The following ZNF385D variants were observed in gnomAD, a reference collection of about 807,000 sequenced individuals.
ZNF385D encodes the protein zinc finger protein 659.
ZNF385D carries 15 observed loss-of-function variants against 35.8 expected under a neutral mutation model. That is an observed-to-expected ratio of 0.42 (90% CI 0.28 to 0.64). The LOEUF (loss-of-function observed/expected upper bound fraction) is 0.64. Among genes scored for constraint, ZNF385D ranks in the 30% least tolerant of loss-of-function variants. The probability of loss-of-function intolerance (pLI) is 0.23; values close to 1 mark genes in which losing one functional copy is unlikely to be tolerated. For synonymous variants in ZNF385D, 212 were observed against 186.8 expected (o/e 1.13, Z -1.10); for missense variants, 474 against 494.6 (o/e 0.96, Z 0.39).
At chr3:21,881,407 C>A (rs968505504) in intron 3 of ZNF385D, among the ~76,000 whole-genome samples, 1 of 151,920 alleles carries the variant, frequency 6.6e-6, no homozygotes, top group Non-Finnish European at 1.5e-5. Context: ...ATAAATGAAA[C>A]AACAAAGCCT....
intron 2 of ZNF385D, among the ~76,000 whole-genome samples, chr3:22,273,459 C>A (rs1004530750): frequency 1.3e-5 from 2 of 151,864 alleles, no homozygotes; most frequent in African/African-American, 4.8e-5. Flanking sequence ...GGTGGTTCTA[C>A]TGGTATCGAA....
chr3:22,206,877 C>A (rs988669623), intron 2 of ZNF385D, among the ~76,000 whole-genome samples: 1 of 151,470 alleles, frequency 6.6e-6, no homozygotes, highest in African/African-American at 2.4e-5. Context: ...AAAGAGCAAA[C>A]CAAAGCCAAA....
chr3:21,754,425 G>C (rs1303375789), upstream of ZNF385D, among the ~76,000 whole-genome samples: 1 of 152,124 alleles, frequency 6.6e-6, no homozygotes, highest in African/African-American at 2.4e-5. Flanking sequence ...CAACCTGCTT[G>C]CCAGATAAAA....
intron 3 of ZNF385D, among the ~76,000 whole-genome samples, chr3:22,058,182 A>C (rs1301553876): frequency 2.8e-5 from 4 of 142,098 alleles, no homozygotes; most frequent in African/African-American, 9.8e-5. Context: ...ATTCAACTTT[A>C]TGGCACCATC....
intron 3 of ZNF385D, among the ~76,000 whole-genome samples, chr3:21,814,452 A>AG: frequency 6.6e-6 from 1 of 152,304 alleles, no homozygotes; most frequent in South Asian, 2.1e-4. Context: ...TCATGTGCAG[A>AG]GACACAGATA....
intron 3 of ZNF385D, among the ~76,000 whole-genome samples, chr3:22,124,531 T>C (rs1703314756): frequency 6.6e-6 from 1 of 152,154 alleles, no homozygotes; most frequent in Non-Finnish European, 1.5e-5. Flanking sequence ...CTGTACTAAT[T>C]TATATTCCCA....
intron 3 of ZNF385D, among the ~76,000 whole-genome samples, chr3:21,992,407 AC>A (rs1215905562): frequency 6.6e-6 from 1 of 152,140 alleles, no homozygotes; most frequent in Non-Finnish European, 1.5e-5. Context: ...AGGTAGAATA[AC>A]CGTTTCTGTG....
At chr3:21,967,904 A>T (rs542985401) in intron 3 of ZNF385D, among the ~76,000 whole-genome samples, 1 of 152,350 alleles carries the variant, frequency 6.6e-6, no homozygotes, top group Non-Finnish European at 1.5e-5. Flanking sequence ...CATAAGAACT[A>T]AAAATCAGGT....
chr3:21,996,119 G>A (rs958348656), intron 3 of ZNF385D, among the ~76,000 whole-genome samples: 12 of 152,088 alleles, frequency 7.9e-5, no homozygotes. Context: ...ATGGAGCTGT[G>A]CTATAGCTGC....
intron 3 of ZNF385D, among the ~76,000 whole-genome samples, chr3:21,946,349 A>G (rs1049790427): frequency 5.3e-5 from 8 of 152,326 alleles, no homozygotes; most frequent in Non-Finnish European, 1.2e-4. Context: ...ATCATGTACA[A>G]GAAATTCAAC....
chr3:21,974,547 G>A (rs1359533534), intron 3 of ZNF385D, among the ~76,000 whole-genome samples: 3 of 151,972 alleles, frequency 2.0e-5, no homozygotes, highest in African/African-American at 7.2e-5. Context: ...ACAAGCACAA[G>A]CAACCAAAGC....
intron 2 of ZNF385D, among the ~76,000 whole-genome samples, chr3:22,210,918 A>T (rs1697477827): frequency 1.3e-5 from 2 of 151,988 alleles, no homozygotes; most frequent in South Asian, 4.1e-4. Context: ...CTAAGTATAC[A>T]TCCATAAACA....
intron 1 of ZNF385D, among the ~76,000 whole-genome samples, chr3:21,670,937 T>C (rs1417726776): frequency 6.6e-6 from 1 of 152,008 alleles, no homozygotes; most frequent in Non-Finnish European, 1.5e-5. Context: ...GAGTGCTTCT[T>C]GCTCAGTCTA....
intron 1 of ZNF385D, among the ~76,000 whole-genome samples, chr3:21,715,209 C>G (rs1176450587): frequency 2.0e-5 from 3 of 152,188 alleles, no homozygotes; most frequent in East Asian, 3.9e-4. Flanking sequence ...GTACAGTGTA[C>G]TCATTAAGTA....
intron 2 of ZNF385D, among the ~76,000 whole-genome samples, chr3:22,226,211 A>G (rs1403007407): frequency 2.6e-5 from 4 of 152,108 alleles, no homozygotes; most frequent in African/African-American, 4.8e-5. Flanking sequence ...AATATCCTCA[A>G]TTCCTTTTTT....
chr3:21,977,000 A>G (rs964488283), intron 3 of ZNF385D, among the ~76,000 whole-genome samples: 1 of 152,150 alleles, frequency 6.6e-6, no homozygotes, highest in African/African-American at 2.4e-5. Context: ...GAAAATAATA[A>G]TAATAATAAT....
intron 1 of ZNF385D, among the ~76,000 whole-genome samples, chr3:21,688,542 T>C (rs1192486904): frequency 1.3e-5 from 2 of 152,178 alleles, no homozygotes; most frequent in African/African-American, 4.8e-5. Flanking sequence ...CAAGTCTTTA[T>C]CACAGCTAGA....
chr3:21,963,866 A>G (rs537813305), intron 3 of ZNF385D, among the ~76,000 whole-genome samples: 16 of 152,308 alleles, frequency 1.1e-4, no homozygotes, highest in Admixed American at 3.3e-4. Flanking sequence ...ATCAAAATAA[A>G]AAGAAAAATT....
Position 21,621,174 on chromosome 3 carries a change from T to TC in ZNF385D, c.165+43711dup, listed in dbSNP as rs2064995401. On this transcript the variant is annotated intron_variant, in intron 2 of 7. Coordinates refer to ENST00000281523, the MANE Select transcript of ZNF385D (RefSeq NM_024697.3). ...TTGCTGCAAATACTGGGTGGCTTTT[T>TC]CCCCTAATAATTATGCATTTGCTTG... Among the ~76,000 whole-genome samples the TC allele has an allele frequency of 2.7e-5, 4 of 149,270 alleles. No individual in the cohort carries two copies. The South Asian group carries it at 8.4e-4, about 31-fold the overall frequency.
Sources: gnomAD v4.1 joint callset for allele counts (sites outside exome capture counted in the v4.1 genomes callset) on GRCh38, gnomAD v4.1.1 for gene constraint, MANE v1.5 for transcripts, NCBI Gene and HGNC (gene_info 2026-07-23, HGNC 2026-07-21) for gene names.